The following SORCS2 variants were observed in gnomAD, a reference collection of about 807,000 sequenced individuals.
SORCS2 encodes the protein sortilin related VPS10 domain containing receptor 2.
SORCS2 carries 100 observed loss-of-function variants against 141.6 expected under a neutral mutation model. The observed-to-expected ratio is 0.71, with a 90% CI of 0.60 to 0.83. The LOEUF (loss-of-function observed/expected upper bound fraction) is 0.83. SORCS2 is among the 40% of genes least tolerant of loss of function. The pLI, the probability that SORCS2 is intolerant of heterozygous loss-of-function variation, is 0.00. For synonymous variants in SORCS2, 789 were observed against 676.9 expected (o/e 1.17, Z -2.57); for missense variants, 1,646 against 1,560.2 (o/e 1.05, Z -0.93).
chr4:7,710,213 G>A (rs544152940), intron 14 of SORCS2, among the ~76,000 whole-genome samples: 14 of 152,278 alleles, frequency 9.2e-5, no homozygotes, highest in East Asian at 1.9e-4. Flanking sequence ...ATGTTTCTGC[G>A]CAAAGCCTCA....
At chr4:7,316,607 A>G (rs538507241) in intron 1 of SORCS2, among the ~76,000 whole-genome samples, 1 of 152,352 alleles carries the variant, frequency 6.6e-6, no homozygotes, top group African/African-American at 2.4e-5. Flanking sequence ...AAATGTGATA[A>G]CGAATTTAAA....
intron 1 of SORCS2, among the ~76,000 whole-genome samples, chr4:7,219,734 G>T (rs1429636535): frequency 6.6e-6 from 1 of 152,200 alleles, no homozygotes; most frequent in Non-Finnish European, 1.5e-5. Context: ...GACACGTGGG[G>T]ATCGTGGGAA....
chr4:7,528,047 CTCTCTG>C (rs1457919928), intron 2 of SORCS2, among the ~76,000 whole-genome samples: 1 of 151,596 alleles, frequency 6.6e-6, no homozygotes, highest in Non-Finnish European at 1.5e-5. Context: ...CTCTCTGTCT[CTCTCTG>C]TCTCTCTCTC....
At chr4:7,264,975 G>A (rs1714624289) in intron 1 of SORCS2, among the ~76,000 whole-genome samples, 2 of 152,232 alleles carry the variant, frequency 1.3e-5, no homozygotes, top group South Asian at 4.1e-4. Context: ...CTCCAGCATT[G>A]CTGTCCCTCA....
chr4:7,562,238 C>T (rs1351943414), intron 3 of SORCS2, among the ~76,000 whole-genome samples: 1 of 152,082 alleles, frequency 6.6e-6, no homozygotes, highest in African/African-American at 2.4e-5. Flanking sequence ...ACAATGTGCT[C>T]GACCCAGGCT....
intron 1 of SORCS2, among the ~76,000 whole-genome samples, chr4:7,197,263 C>A (rs969593239): frequency 2.0e-5 from 3 of 152,190 alleles, no homozygotes; most frequent in South Asian, 2.1e-4. Context: ...AACTTAGTTA[C>A]CTCTTTAAAG....
chr4:7,586,137 G>A (rs1394334044), intron 3 of SORCS2, among the ~76,000 whole-genome samples: 7 of 152,222 alleles, frequency 4.6e-5, no homozygotes, highest in African/African-American at 7.2e-5. Flanking sequence ...TGTTGGGAAC[G>A]CCTATGATTT....
chr4:7,554,734 G>T (rs947565417), intron 3 of SORCS2, among the ~76,000 whole-genome samples: 2 of 152,168 alleles, frequency 1.3e-5, no homozygotes, highest in African/African-American at 4.8e-5. Context: ...CACAGCGGGA[G>T]CCCCGAGGAA....
intron 1 of SORCS2, among the ~76,000 whole-genome samples, chr4:7,315,136 T>A (rs1383737794): frequency 5.3e-5 from 8 of 152,266 alleles, no homozygotes; most frequent in Non-Finnish European, 8.8e-5. Flanking sequence ...CCTGGCCTTG[T>A]CCGCTGTTCT....
chr4:7,250,689 G>A (rs1313057001), intron 1 of SORCS2, among the ~76,000 whole-genome samples: 2 of 152,254 alleles, frequency 1.3e-5, no homozygotes, highest in Non-Finnish European at 1.5e-5. Context: ...CGGGGAGTGC[G>A]AGGTGTCAGG....
At chr4:7,657,878 CTGAG>C (rs926215979) in intron 5 of SORCS2, among the ~76,000 whole-genome samples, 12 of 140,946 alleles carry the variant, frequency 8.5e-5, no homozygotes, top group African/African-American at 3.0e-4. Flanking sequence ...GAGTGAGTCA[CTGAG>C]TGAATGAGTG....
chr4:7,510,033 G>C (rs983598338), intron 2 of SORCS2, among the ~76,000 whole-genome samples: 1 of 152,228 alleles, frequency 6.6e-6, no homozygotes, highest in Non-Finnish European at 1.5e-5. Flanking sequence ...TTAATAGACT[G>C]TAACTGTGCT....
chr4:7,686,854 G>A lies in SORCS2; in HGVS notation c.1489-2632G>A, dbSNP rs367711007. Among the ~76,000 whole-genome samples the A allele has an allele frequency of 6.7e-4, 102 of 152,332 alleles. No individual in the cohort carries two copies. In the Middle Eastern group the frequency reaches 0.01, roughly 15 times the overall value. ...CCGTCTGTTTGGCCGTCAGCAGGCC[G>A]CAAGGCGAATGCAAAAGGGTTCATA... On this transcript the variant is annotated intron_variant, in intron 10 of 26. Transcript: ENST00000507866.
intron 2 of SORCS2, among the ~76,000 whole-genome samples, chr4:7,417,652 C>G (rs184318875): frequency 6.6e-6 from 1 of 152,126 alleles, no homozygotes; most frequent in African/African-American, 2.4e-5. Flanking sequence ...CCGCTCTTCC[C>G]GGAACGTGGC....
chr4:7,677,823 C>A (rs1353093312), intron 9 of SORCS2, among the ~76,000 whole-genome samples: 1 of 152,218 alleles, frequency 6.6e-6, no homozygotes, highest in Non-Finnish European at 1.5e-5. Context: ...CCCCTGCAGG[C>A]GGCCCTCCTC....
intron 1 of SORCS2, among the ~76,000 whole-genome samples, chr4:7,370,616 C>T (rs1281273801): frequency 6.6e-6 from 1 of 152,222 alleles, no homozygotes; most frequent in East Asian, 1.9e-4. Flanking sequence ...TAACGTTGCC[C>T]ATCATCCTTG....
At chr4:7,392,341 G>A (rs34175445) in intron 1 of SORCS2, among the ~76,000 whole-genome samples, 4,880 of 152,150 alleles carry the variant, frequency 0.032, 132 homozygotes, top group Non-Finnish European at 0.049. Context: ...GGCTCTGCGG[G>A]GAGCCCCCGG....
chr4:7,240,239 G>T (rs1453574458), intron 1 of SORCS2, among the ~76,000 whole-genome samples: 1 of 152,210 alleles, frequency 6.6e-6, no homozygotes, highest in Non-Finnish European at 1.5e-5. Context: ...ACCTGCGGGT[G>T]TTGCTTGCAC....
intron 2 of SORCS2, among the ~76,000 whole-genome samples, chr4:7,397,806 G>T (rs1724313582): frequency 6.6e-6 from 1 of 152,198 alleles, no homozygotes; most frequent in Admixed American, 6.5e-5. Context: ...TTCACTGCTG[G>T]GCAGAGGGTC....
Sources: allele counts gnomAD v4.1 joint callset (sites outside exome capture counted in the v4.1 genomes callset), GRCh38; gene constraint gnomAD v4.1.1; transcripts MANE v1.5; gene names NCBI Gene and HGNC (gene_info 2026-07-23, HGNC 2026-07-21).